The following KIF21A variants were observed in gnomAD, a reference collection of about 807,000 sequenced individuals.
KIF21A encodes kinesin family member 21A.
A neutral mutation model predicts 202.9 loss-of-function variants in KIF21A; 114 were observed. That is an observed-to-expected ratio of 0.56 (90% confidence interval 0.48 to 0.66). KIF21A has a LOEUF of 0.66. Among genes scored for constraint, KIF21A ranks in the 30% least tolerant of loss-of-function variants. The pLI, the probability that KIF21A is intolerant of heterozygous loss-of-function variation, is 0.00. For missense variants in KIF21A, 1,677 were observed against 1,994.9 expected (o/e 0.84, Z 3.04); for synonymous variants, 667 against 670.8 (o/e 0.99, Z 0.09).
At chr12:39,423,719 C>A (rs1248023364) in intron 1 of KIF21A, among the ~76,000 whole-genome samples, 1 of 151,934 alleles carries the variant, frequency 6.6e-6, no homozygotes, top group East Asian at 1.9e-4. Flanking sequence ...CATGGTGGCT[C>A]ATGCCTGTAA....
chr12:39,311,161 GACTCT>G (rs923636119), intron 32 of KIF21A, among the ~76,000 whole-genome samples: 7 of 151,838 alleles, frequency 4.6e-5, no homozygotes, highest in African/African-American at 1.4e-4. Flanking sequence ...CAAAATTCAG[GACTCT>G]ACATGCAGTA....
intron 11 of KIF21A, among the ~76,000 whole-genome samples, chr12:39,347,562 C>A (rs925501530): frequency 1.3e-5 from 2 of 151,960 alleles, no homozygotes; most frequent in Non-Finnish European, 2.9e-5. Context: ...CAGTTCTTTT[C>A]ATTTTAATTT....
chr12:39,341,581 CTCT>C lies in KIF21A; in HGVS notation c.1842_1844del (p.Glu621del), dbSNP rs1453778990. On this transcript the variant is annotated inframe_deletion, in exon 14 of 38. Coordinates refer to ENST00000361418, the MANE Select transcript of KIF21A (RefSeq NM_001173464.2). ...TGTCATCTTCCTCCTCCTCCTCCTC[CTCT>C]TCTTCATCCTCATGATCACTCACTT... 4.4e-6 allele frequency: 7 copies of C among 1,589,500 alleles called. No homozygotes were observed. Among genetic ancestry groups the C allele is most frequent in the Non-Finnish European group, 6.0e-6 (7 of 1,159,198 alleles).
chr12:39,311,720 T>C, intron 31 of KIF21A, 167 bp from the exon 32 acceptor site: 1 of 679,144 alleles, frequency 1.5e-6, no homozygotes, highest in Non-Finnish European at 2.6e-6. Context: ...TGTGAAATAA[T>C]AATAGTGATG....
chr12:39,421,802 A>G (rs1460892382), intron 1 of KIF21A, among the ~76,000 whole-genome samples: 1 of 147,168 alleles, frequency 6.8e-6, no homozygotes, highest in Non-Finnish European at 1.5e-5. Context: ...AATTTTATAT[A>G]TTATATAATT....
chr12:39,419,214 C>T (rs1429904638), intron 1 of KIF21A, among the ~76,000 whole-genome samples: 15 of 152,136 alleles, frequency 9.9e-5, no homozygotes, highest in African/African-American at 3.6e-4. Flanking sequence ...GTAGTTCTAA[C>T]AGTAGAAATG....
intron 1 of KIF21A, among the ~76,000 whole-genome samples, chr12:39,423,983 C>CAAAAA (rs35526386): frequency 4.7e-4 from 12 of 25,668 alleles, no homozygotes; most frequent in African/African-American, 7.8e-4. Flanking sequence ...GACTCTGTCT[C>CAAAAA]AAAAAAAAAA....
At chr12:39,343,613 T>C (rs1042400738) in intron 12 of KIF21A, among the ~76,000 whole-genome samples, 2 of 152,204 alleles carry the variant, frequency 1.3e-5, no homozygotes, top group Non-Finnish European at 2.9e-5. Context: ...ATAACTTTAA[T>C]GATTAACTCT....
intron 37 of KIF21A, among the ~76,000 whole-genome samples, chr12:39,296,188 C>T (rs2137007625): frequency 6.6e-6 from 1 of 151,596 alleles, no homozygotes; most frequent in South Asian, 2.1e-4. Context: ...CCTGCCTCAG[C>T]CTCCTGAGTA....
intron 29 of KIF21A, 102 bp downstream of exon 29, chr12:39,317,971 C>G: frequency 8.4e-7 from 1 of 1,196,548 alleles, no homozygotes; most frequent in Non-Finnish European, 1.2e-6. Flanking sequence ...ACACGTCAGG[C>G]TCCATCTCCT....
chr12:39,304,904 C>G lies in KIF21A; in HGVS notation c.4477G>C (p.Gly1493Arg). The stretch of plus-strand genomic sequence containing the variant: ...TCCACAGTAAGGCACATAACAGGGC[C>G]TAGGTGTCCTGTTAACTTTCCTGTA... The part of the protein sequence containing the change: ...QSTGKLTGHL[G>R]PVMCLTVDQI... The change falls in exon 35 of 38, where the codon GGC becomes CGC. Residue 1493 changes from glycine to arginine, a missense_variant. Around this residue, in one of 3 missense-constraint regions of KIF21A, gnomAD observed 705 missense variants for 791.9 expected, o/e 0.89. Transcript: ENST00000361418. The G allele has an allele frequency of 9.4e-6, 15 of 1,602,128 alleles. No individual in the cohort carries two copies. Among genetic ancestry groups the G allele is most frequent in the Non-Finnish European group, 1.3e-5 (15 of 1,169,964 alleles).
intron 1 of KIF21A, among the ~76,000 whole-genome samples, chr12:39,373,610 T>G (rs374892551): frequency 6.6e-6 from 1 of 152,228 alleles, no homozygotes; most frequent in East Asian, 1.9e-4. Flanking sequence ...GGGCTACTAC[T>G]TAATATCAGT....
At chr12:39,379,214 C>T (rs1417945344) in intron 1 of KIF21A, among the ~76,000 whole-genome samples, 2 of 151,726 alleles carry the variant, frequency 1.3e-5, no homozygotes, top group East Asian at 3.9e-4. Context: ...CCTGTAGTCC[C>T]AGCTACTCAG....
At position 39,358,430 on chromosome 12, in the gene KIF21A, T is replaced by C. The variant is rs115897091; in HGVS notation, c.1020-57A>G. On this transcript the variant is annotated intron_variant, in intron 7 of 37. Transcript: ENST00000361418. ...CATAAAAGCACCTAAAATGCTAAAATAATCATTTTTAAATTCCTAACATTT... is the reference window on the plus strand; with the variant it reads ...CATAAAAGCACCTAAAATGCTAAAACAATCATTTTTAAATTCCTAACATTT... The C allele has an allele frequency of 2.2e-3, 3,133 of 1,445,578 alleles. 62 individuals carry two copies. The African/African-American group carries it at 0.035, about 16-fold the overall frequency. 89.5% of individuals were successfully genotyped at this position (1,445,578 alleles called of 1,614,324 possible).
At position 39,342,082 on chromosome 12, in the gene KIF21A, C is replaced by A. The variant is rs778652648; in HGVS notation, c.1755G>T (p.Lys585Asn). The A allele has an allele frequency of 5.6e-6, 9 of 1,612,072 alleles. 1 individual carries two copies. The South Asian group carries it at 9.9e-5, about 18-fold the overall frequency. The change falls in exon 13 of 38, where the codon AAG becomes AAT. Residue 585 changes from lysine to asparagine, a missense_variant. Lys to Asn is a moderately conservative substitution (Grantham distance 94). Transcript: ENST00000361418. ...KEDNTDTDQE[K>N]KEEKGVSERE... ...TTTCCGAAACACCCTTTTCTTCTTTCTTCTCTTGGTCAGTGTCTGTATTAT... is the reference window on the plus strand; with the variant it reads ...TTTCCGAAACACCCTTTTCTTCTTTATTCTCTTGGTCAGTGTCTGTATTAT...
rs750028358 is a variant in KIF21A at position 39,340,985 on chromosome 12, C to A, written c.2031G>T (p.Gln677His). The A allele has an allele frequency of 6.2e-7, 1 of 1,613,120 alleles. No individual in the cohort carries two copies. Among genetic ancestry groups the A allele is most frequent in the Non-Finnish European group, 8.5e-7 (1 of 1,179,502 alleles). The change falls in exon 15 of 38, where the codon CAG becomes CAT. Residue 677 changes from glutamine to histidine, a missense_variant. By Grantham distance (24) the Gln-to-His change is conservative. Around this residue, in one of 3 missense-constraint regions of KIF21A, gnomAD observed 966 missense variants for 1,180.9 expected, o/e 0.82. Coordinates refer to ENST00000361418, the MANE Select transcript of KIF21A (RefSeq NM_001173464.2). ...SQKRLQTLKK[Q>H]YEEKLMMLQH... ...GCAGCATCATTAGCTTCTCTTCATA[C>A]TGCTTTTTCAGAGTCTGCAGTCTTT...
At chr12:39,345,304 T>C (rs951406084) in intron 12 of KIF21A, among the ~76,000 whole-genome samples, 7 of 152,196 alleles carry the variant, frequency 4.6e-5, no homozygotes, top group Non-Finnish European at 1.0e-4. Context: ...CCTTTCAGAA[T>C]AGAAGAAATT....
At chr12:39,377,618 A>G (rs544595880) in intron 1 of KIF21A, among the ~76,000 whole-genome samples, 1 of 152,324 alleles carries the variant, frequency 6.6e-6, no homozygotes, top group African/African-American at 2.4e-5. Context: ...TCAAGCCCAT[A>G]AAAAGAAATT....
At chr12:39,389,161 T>G (rs747964033) in intron 1 of KIF21A, among the ~76,000 whole-genome samples, 12 of 148,644 alleles carry the variant, frequency 8.1e-5, no homozygotes, top group Non-Finnish European at 1.8e-4. Flanking sequence ...TACTTAATAT[T>G]TATTCAGTAA....
Sources: allele counts gnomAD v4.1 joint callset (sites outside exome capture counted in the v4.1 genomes callset), GRCh38; gene constraint gnomAD v4.1.1; regional missense constraint gnomAD v4.1.1; transcripts MANE v1.5; gene names NCBI Gene and HGNC (gene_info 2026-07-23, HGNC 2026-07-21).